SND1: variants seen among roughly 807,000 people sequenced by gnomAD.
SND1 encodes the protein staphylococcal nuclease domain-containing protein 1.
SND1 carries 38 observed loss-of-function variants against 121.7 expected under a neutral mutation model. The ratio of observed to expected loss-of-function variants is 0.31; its 90% CI spans 0.24 to 0.41. The LOEUF (loss-of-function observed/expected upper bound fraction) is 0.41. Ranked by LOEUF, SND1 falls within the 10% of genes least tolerant of loss-of-function variation. The pLI is 1.00. For synonymous variants in SND1, 401 were observed against 447.4 expected (o/e 0.90, Z 1.31); for missense variants, 868 against 1,184.6 (o/e 0.73, Z 3.92).
Position 127,701,302 on chromosome 7 carries a change from C to T in SND1, c.568C>T (p.His190Tyr), listed in dbSNP as rs752606515. The change falls in exon 5 of 24, where the codon CAC (histidine) becomes TAC (tyrosine). Residue 190 changes from histidine (H) to tyrosine (Y), a missense_variant. Transcript: ENST00000354725. Reference sequence around the variant, plus strand: ...AAACCCAAGGCACTTTGTGGACTCACACCACCAGAAGCCTGTTAATGGTGA... The same window carrying T: ...AAACCCAAGGCACTTTGTGGACTCATACCACCAGAAGCCTGTTAATGGTGA... ...IENPRHFVDS[H>Y]HQKPVNAIIE... The T allele has an allele frequency of 6.2e-7, 1 of 1,614,000 alleles. No homozygotes were observed. The highest frequency in any genetic ancestry group is 8.5e-7 in the Non-Finnish European group (1 of 1,179,934).
intron 13 of SND1, among the ~76,000 whole-genome samples, chr7:127,895,183 T>C (rs1800093881): frequency 6.6e-6 from 1 of 152,112 alleles, no homozygotes; most frequent in South Asian, 2.1e-4. Context: ...TAAACCATGA[T>C]TTCTCACCTT....
chr7:127,827,204 G>C (rs187003309), intron 11 of SND1, among the ~76,000 whole-genome samples: 15 of 152,070 alleles, frequency 9.9e-5, no homozygotes, highest in Middle Eastern at 6.8e-3. Context: ...TGATAACTGT[G>C]GCCCTTTTCA....
chr7:127,975,424 CGTGTGTGT>C (rs66757341), intron 15 of SND1, among the ~76,000 whole-genome samples: 3,658 of 147,462 alleles, frequency 0.025, 86 homozygotes, highest in African/African-American at 0.062. Flanking sequence ...TGACTCCCCT[CGTGTGTGT>C]GTGTGTGTGT....
At chr7:128,039,389 T>C (rs1792809558) in intron 16 of SND1, among the ~76,000 whole-genome samples, 1 of 152,210 alleles carries the variant, frequency 6.6e-6, no homozygotes, top group South Asian at 2.1e-4. Context: ...ATATCCCACG[T>C]GGGTAAGAGC....
chr7:127,873,029 T>G (rs1313335530), intron 12 of SND1, among the ~76,000 whole-genome samples: 1 of 152,142 alleles, frequency 6.6e-6, no homozygotes, highest in East Asian at 1.9e-4. Flanking sequence ...ATTGATATGT[T>G]CTTGACTTTA....
chr7:127,861,507 C>T (rs1332489020), intron 12 of SND1, among the ~76,000 whole-genome samples: 3 of 152,176 alleles, frequency 2.0e-5, no homozygotes, highest in East Asian at 3.8e-4. Context: ...CAGAGTCTCA[C>T]TCTGTTGCCT....
Position 127,901,110 on chromosome 7 carries a change from G to A in SND1, c.1455-3637G>A, listed in dbSNP as rs1382168422. ...GCAGATAAGGTGGAAGCCAGCCTGC[G>A]GTCTGCCTACCTTCCCATGTCTCAA... On this transcript the variant is annotated intron_variant, in intron 13 of 23. Coordinates refer to ENST00000354725, the MANE Select transcript of SND1 (RefSeq NM_014390.4). Among the ~76,000 whole-genome samples, 4 of 152,220 alleles carry A rather than the reference G, an allele frequency of 2.6e-5. No individual in the cohort carries two copies. The South Asian group carries it at 6.2e-4, about 24-fold the overall frequency.
At chr7:128,060,271 A>G (rs1410650370) in intron 16 of SND1, among the ~76,000 whole-genome samples, 1 of 152,102 alleles carries the variant, frequency 6.6e-6, no homozygotes, top group Admixed American at 6.5e-5. Flanking sequence ...CAGGATCATG[A>G]TATCAGGGAC....
At chr7:127,723,908 C>T (rs1030065302) in intron 10 of SND1, among the ~76,000 whole-genome samples, 5 of 152,282 alleles carry the variant, frequency 3.3e-5, no homozygotes, top group South Asian at 4.1e-4. Flanking sequence ...ATAAATGAGA[C>T]GTTCTTCCCC....
At chr7:127,673,386 A>G (rs575426032) in intron 1 of SND1, among the ~76,000 whole-genome samples, 1 of 152,242 alleles carries the variant, frequency 6.6e-6, no homozygotes, top group African/African-American at 2.4e-5. Context: ...ATCTCAGCTC[A>G]CTGCAGCCTT....
At chr7:128,007,977 C>CA (rs1278688672) in intron 16 of SND1, 3 of 152,210 alleles carry the variant, frequency 2.0e-5, no homozygotes, top group African/African-American at 7.2e-5. Context: ...TGGTAAATTT[C>CA]ATGGTAGAGC....
At position 128,089,513 on chromosome 7, in the gene SND1, G is replaced by A; in HGVS notation, c.2443G>A (p.Asp815Asn). 1.2e-6 allele frequency: 2 copies of A among 1,614,016 alleles called. No individual in the cohort carries two copies. The highest frequency in any genetic ancestry group is 1.7e-6 in the Non-Finnish European group (2 of 1,179,850). The change falls in exon 22 of 24, where the codon GAC becomes AAC. Residue 815 changes from aspartate (D) to asparagine (N), a missense_variant. Physicochemically the swap from Asp to Asn is conservative, Grantham distance 23 (BLOSUM62 1). Transcript: ENST00000354725. Reference sequence around the variant, plus strand: ...GGATGATGCCCGCACGGACGCCGTGGACAGCGTAGTTCGGGATATCCAGAA... The same window carrying A: ...GGATGATGCCCGCACGGACGCCGTGAACAGCGTAGTTCGGGATATCCAGAA... The part of the protein sequence containing the change: ...QDDDARTDAV[D>N]SVVRDIQNTQ...
intron 16 of SND1, 106 bp downstream of exon 16, chr7:127,991,162 C>A: frequency 1.4e-6 from 1 of 721,810 alleles, no homozygotes; most frequent in Non-Finnish European, 2.4e-6. Flanking sequence ...ACTGCTCAGC[C>A]TTGCACATCC....
chr7:127,674,000 T>A (rs1795571827), intron 1 of SND1, among the ~76,000 whole-genome samples: 1 of 151,660 alleles, frequency 6.6e-6, no homozygotes, highest in African/African-American at 2.4e-5. Flanking sequence ...TCCTTCCCTT[T>A]CCTTTTCCTT....
chr7:128,004,219 G>A (rs1802906998), intron 16 of SND1, among the ~76,000 whole-genome samples: 1 of 151,476 alleles, frequency 6.6e-6, no homozygotes, highest in East Asian at 1.9e-4. Flanking sequence ...GTTTTTACAT[G>A]TCAGTGACTG....
At chr7:127,885,028 G>A (rs1437387100) in intron 12 of SND1, among the ~76,000 whole-genome samples, 4 of 152,054 alleles carry the variant, frequency 2.6e-5, no homozygotes, top group Non-Finnish European at 5.9e-5. Flanking sequence ...CTTCCATGTG[G>A]ATGTTTGCAC....
At chr7:127,991,994 G>A (rs145866097) in intron 16 of SND1, among the ~76,000 whole-genome samples, 2,244 of 152,234 alleles carry the variant, frequency 0.015, 20 homozygotes, top group Non-Finnish European at 0.025. Flanking sequence ...GAGAAGTGTT[G>A]GTTGCCACCT....
chr7:127,832,874 G>T (rs1050891399), intron 11 of SND1, among the ~76,000 whole-genome samples: 1 of 152,208 alleles, frequency 6.6e-6, no homozygotes, highest in African/African-American at 2.4e-5. Context: ...TCATAGAAGT[G>T]CAAAGCCTAG....
At chr7:127,901,732 C>G (rs1800235830) in intron 13 of SND1, among the ~76,000 whole-genome samples, 1 of 152,170 alleles carries the variant, frequency 6.6e-6, no homozygotes, top group African/African-American at 2.4e-5. Flanking sequence ...TTTACATATG[C>G]TGGTACAGTG....
Sources: gnomAD v4.1 joint callset for allele counts (sites outside exome capture counted in the v4.1 genomes callset) on GRCh38, gnomAD v4.1.1 for gene constraint, MANE v1.5 for transcripts, NCBI Gene and HGNC (gene_info 2026-07-23, HGNC 2026-07-21) for gene names.